EHMT1: variants seen among roughly 807,000 people sequenced by gnomAD.
EHMT1 encodes the protein euchromatic histone lysine methyltransferase 1, also known as histone-lysine N-methyltransferase EHMT1.
Under a neutral mutation model 147.2 loss-of-function variants are expected in EHMT1, and 15 were observed. That is an observed-to-expected ratio of 0.10 (90% CI 0.07 to 0.16). EHMT1 has a LOEUF of 0.16. Among genes scored for constraint, EHMT1 ranks in the 10% least tolerant of loss-of-function variants. The pLI, the probability that EHMT1 is intolerant of heterozygous loss-of-function variation, is 1.00. For missense variants in EHMT1, 1,587 were observed against 1,772.4 expected (o/e 0.90, Z 1.88); for synonymous variants, 795 against 709.6 (o/e 1.12, Z -1.91).
rs552031527 is a variant in EHMT1, at chr9:137,676,850, G to A, written c.22-34117G>A. Among the ~76,000 whole-genome samples, 3 of 152,238 alleles carry A rather than the reference G, an allele frequency of 2.0e-5. No individual in the cohort carries two copies. The South Asian group carries it at 6.2e-4, about 32-fold the overall frequency. ...GCCTGGGATTCCATCTGTGAGATGG[G>A]GGTCCTGTAAGCAGGACTCCATCCC... On this transcript the variant is annotated intron_variant, in intron 1 of 26. Coordinates refer to ENST00000460843, the MANE Select transcript of EHMT1 (RefSeq NM_024757.5).
At chr9:137,753,863 T>G (rs1251366536) in intron 7 of EHMT1, among the ~76,000 whole-genome samples, 1 of 152,216 alleles carries the variant, frequency 6.6e-6, no homozygotes, top group Non-Finnish European at 1.5e-5. Context: ...GCTTACTTAT[T>G]TAGTTCCTGA....
At position 137,792,656 on chromosome 9, in the gene EHMT1, G is replaced by T. The variant is rs139583558; in HGVS notation, c.2505+1686G>T. ...GGAGGCGGAAGTTGCAGTGAGCCGAGATCACGCCACTGCGCTCCAACCTGG... is the reference window on the plus strand; with the variant it reads ...GGAGGCGGAAGTTGCAGTGAGCCGATATCACGCCACTGCGCTCCAACCTGG... On this transcript the variant is annotated intron_variant, in intron 16 of 26. Transcript: ENST00000460843. Among the ~76,000 whole-genome samples, 1,206 of 152,330 alleles carry T rather than the reference G, an allele frequency of 7.9e-3. 13 individuals are homozygous for T. Among genetic ancestry groups the T allele is most frequent in the African/African-American group, 0.027 (1,138 of 41,572 alleles).
intron 1 of EHMT1, among the ~76,000 whole-genome samples, chr9:137,633,348 G>C (rs962016371): frequency 5.3e-5 from 8 of 150,852 alleles, no homozygotes; most frequent in Admixed American, 4.6e-4. Flanking sequence ...CAGATCTACT[G>C]ATTAGAAGAA....
At chr9:137,788,680 G>C (rs1357954517) in intron 15 of EHMT1, 1 of 152,228 alleles carries the variant, frequency 6.6e-6, no homozygotes, top group African/African-American at 2.4e-5. Flanking sequence ...GGGAGTCGCT[G>C]CGGGCCCAAT....
At chr9:137,815,451 A>G (rs1160684506) in intron 22 of EHMT1, 1 of 226,020 alleles carries the variant, frequency 4.4e-6, no homozygotes, top group African/African-American at 2.2e-5. Context: ...CTCAGCTCAC[A>G]CAGCCCTGGG....
At chr9:137,716,041 A>G (rs3123502) in intron 2 of EHMT1, among the ~76,000 whole-genome samples, 1,325 of 114,530 alleles carry the variant, frequency 0.012, 12 homozygotes, top group African/African-American at 0.034. Context: ...GGGGGAGGAA[A>G]TTGTGTTGGT....
rs1048257145 is a variant in EHMT1, at chr9:137,835,352, G to C, written c.*399G>C. 1 of 163,986 alleles carries C rather than the reference G, an allele frequency of 6.1e-6. No homozygotes were observed. The highest frequency in any genetic ancestry group is 1.3e-5 in the Non-Finnish European group (1 of 76,610). The allele number at this position is 163,986 out of a possible 1,614,324, so 10.2% of individuals were successfully genotyped here. A position where few individuals can be genotyped will look rare whatever the true frequency, so the allele number is the denominator to read the frequency against. On this transcript the variant is annotated 3_prime_UTR_variant, in exon 27 of 27. Transcript: ENST00000460843. ...TCTCCTGTCCGGCCCAGACTCTTCTGTGTGGCGCCGCCGAAGCCACCGTTA... is the reference window on the plus strand; with the variant it reads ...TCTCCTGTCCGGCCCAGACTCTTCTCTGTGGCGCCGCCGAAGCCACCGTTA...
chr9:137,703,089 G>A (rs1588249903), intron 1 of EHMT1, among the ~76,000 whole-genome samples: 1 of 152,312 alleles, frequency 6.6e-6, no homozygotes, highest in South Asian at 2.1e-4. Flanking sequence ...TGTATCTGGG[G>A]CCGTTTCAGC....
intron 1 of EHMT1, among the ~76,000 whole-genome samples, chr9:137,657,925 A>T (rs1407584063): frequency 6.6e-6 from 1 of 151,720 alleles, no homozygotes; most frequent in South Asian, 2.1e-4. Flanking sequence ...CCATCAGTTC[A>T]GTCATTTTAA....
At position 137,628,978 on chromosome 9, in the gene EHMT1, T is replaced by G. The variant is rs77407944; in HGVS notation, c.21+9929T>G. On this transcript the variant is annotated intron_variant, in intron 1 of 26. Coordinates refer to ENST00000460843, the MANE Select transcript of EHMT1 (RefSeq NM_024757.5). ...TTAGGAACTTTATTTTTTTTTTCAA[T>G]CATTTCATTGGATTAAGCATGGTTG... is the stretch of plus-strand genomic sequence containing the variant. Among the ~76,000 whole-genome samples the G allele has an allele frequency of 3.1e-4, 47 of 152,314 alleles. No individual in the cohort carries two copies. The East Asian group carries it at 7.3e-3, about 24-fold the overall frequency.
At chr9:137,809,467 G>A (rs1380800266) in intron 18 of EHMT1, among the ~76,000 whole-genome samples, 1 of 152,236 alleles carries the variant, frequency 6.6e-6, no homozygotes, top group African/African-American at 2.4e-5. Context: ...AGAGCCTGCG[G>A]GGTGGAGACC....
Position 137,782,454 on chromosome 9 carries a change from A to G in EHMT1, c.2382+57A>G. On this transcript the variant is annotated intron_variant, in intron 15 of 26. Transcript: ENST00000460843. The surrounding 1 kb of genome is among the most constrained non-coding windows in gnomAD (Gnocchi z 5.7). ...TCACCTGCTCTCTTTTATTTTTACC[A>G]AAGTAAAATCATACCACGTTCGCGG... The G allele has an allele frequency of 1.4e-6, 2 of 1,479,766 alleles. No homozygotes were observed. The highest frequency in any genetic ancestry group is 2.4e-5 in the East Asian group (1 of 41,188). 91.7% of individuals were successfully genotyped at this position (1,479,766 alleles called of 1,614,324 possible). A position where few individuals can be genotyped will look rare whatever the true frequency, so the allele number is the denominator to read the frequency against.
intron 7 of EHMT1, 49 bp from the exon 8 acceptor site, chr9:137,754,122 T>G: frequency 1.2e-6 from 2 of 1,613,372 alleles, no homozygotes; most frequent in Non-Finnish European, 1.7e-6. Context: ...TTGCCTTCCG[T>G]AGCTTCCTGT....
rs771506091 is a variant in EHMT1, at chr9:137,813,506, C to T, written c.3156C>T (p.Ile1052=). The stretch of plus-strand genomic sequence containing the variant: ...ACTGCGTGACGTCCCCCATGAACAT[C>T]GACAGAAATATCACTCATCTGCAGG... ...SQNCVTSPMN[I]DRNITHLQYC... The change falls in exon 21 of 27, where the codon ATC becomes ATT. Residue 1052 remains isoleucine, a synonymous_variant. Coordinates refer to ENST00000460843, the MANE Select transcript of EHMT1 (RefSeq NM_024757.5). The surrounding 1 kb of genome is among the most constrained non-coding windows in gnomAD (Gnocchi z 4.9). The T allele has an allele frequency of 5.0e-6, 8 of 1,613,954 alleles. 1 individual carries two copies. In the South Asian group the frequency reaches 5.5e-5, roughly 11 times the overall value.
intron 25 of EHMT1, among the ~76,000 whole-genome samples, chr9:137,818,488 G>A (rs1204048118): frequency 1.3e-5 from 2 of 151,488 alleles, no homozygotes; most frequent in African/African-American, 4.8e-5. Flanking sequence ...GACGGGCGCC[G>A]TGTACCAAGA....
At position 137,787,823 on chromosome 9, in the gene EHMT1, C is replaced by A. The variant is rs1455685186; in HGVS notation, c.2383-3025C>A. 23 of 949,218 alleles carry A rather than the reference C, an allele frequency of 2.4e-5. No homozygotes were observed. Among genetic ancestry groups the A allele is most frequent in the Non-Finnish European group, 3.8e-5 (22 of 577,112 alleles). 58.8% of individuals were successfully genotyped at this position (949,218 alleles called of 1,614,324 possible). A position where few individuals can be genotyped will look rare whatever the true frequency, so the allele number is the denominator to read the frequency against. Reference sequence around the variant, plus strand: ...GCCCTCAGGTTTCAGGGGCCACCCCCCAGTAGGCAGAGCTGGTTGACGGTG... The same window carrying A: ...GCCCTCAGGTTTCAGGGGCCACCCCACAGTAGGCAGAGCTGGTTGACGGTG... On this transcript the variant is annotated intron_variant, in intron 15 of 26. Transcript: ENST00000460843. The surrounding 1 kb of genome is among the most constrained non-coding windows in gnomAD (Gnocchi z 4.2).
At chr9:137,669,622 C>T (rs960389906) in intron 1 of EHMT1, among the ~76,000 whole-genome samples, 1 of 151,958 alleles carries the variant, frequency 6.6e-6, no homozygotes, top group African/African-American at 2.4e-5. Context: ...TCTTCCCTGG[C>T]CCCTCCCCCA....
intron 4 of EHMT1, among the ~76,000 whole-genome samples, chr9:137,741,735 C>T (rs1430152509): frequency 6.6e-6 from 1 of 152,074 alleles, no homozygotes; most frequent in African/African-American, 2.4e-5. Flanking sequence ...AAAAGTTGGC[C>T]CTCTGTGTTC....
In EHMT1 at chr9:137,716,667, G is replaced by C. The variant is rs780901561; in HGVS notation, c.127G>C (p.Ala43Pro). 4 of 1,597,884 alleles carry C rather than the reference G, an allele frequency of 2.5e-6. No homozygotes were observed. In the African/African-American group the frequency reaches 5.4e-5, roughly 21 times the overall value. Residue 43 changes from alanine (A) to proline (P), a missense_variant, in exon 3 of 27, where the codon GCA (alanine) becomes CCA (proline). Physicochemically the swap from Ala to Pro is conservative, Grantham distance 27. Around this residue, in one of 7 missense-constraint regions of EHMT1, gnomAD observed 810 missense variants for 673.0 expected, o/e 1.20. Coordinates refer to ENST00000460843, the MANE Select transcript of EHMT1 (RefSeq NM_024757.5). The part of the protein sequence containing the change: ...AADEGSAEKQ[A>P]GEAHMAADGE... Reference sequence around the variant, plus strand: ...CGATGAAGGCTCAGCAGAGAAACAGGCAGGAGAGGCCCACATGGCTGCGGA... The same window carrying C: ...CGATGAAGGCTCAGCAGAGAAACAGCCAGGAGAGGCCCACATGGCTGCGGA...
Sources: allele counts gnomAD v4.1 joint callset (sites outside exome capture counted in the v4.1 genomes callset), GRCh38; gene constraint gnomAD v4.1.1; regional missense constraint gnomAD v4.1.1; non-coding constraint Gnocchi (gnomAD v3.1); transcripts MANE v1.5; gene names NCBI Gene and HGNC (gene_info 2026-07-23, HGNC 2026-07-21).